The following ADGRD1 variants were observed in gnomAD, a reference collection of about 807,000 sequenced individuals.
ADGRD1 encodes the protein G-protein coupled receptor 133.
In ADGRD1, 77 loss-of-function variants were observed where a neutral mutation model predicts 113.4. The observed-to-expected ratio is 0.68, with a 90% CI of 0.57 to 0.82. ADGRD1 has a LOEUF of 0.82. ADGRD1 is among the 40% of genes least tolerant of loss of function. The probability of loss-of-function intolerance (pLI) is 0.00; values close to 1 mark genes in which losing one functional copy is unlikely to be tolerated. For synonymous variants in ADGRD1, 474 were observed against 475.0 expected, an observed-to-expected ratio of 1.00 and a Z score of 0.03; for missense variants, 1,036 against 1,139.1, an observed-to-expected ratio of 0.91 and a Z score of 1.30.
intron 7 of ADGRD1, 141 bp from the exon 8 acceptor site, chr12:130,992,095 TG>T: frequency 1.6e-6 from 1 of 630,850 alleles, no homozygotes; most frequent in Non-Finnish European, 2.7e-6. Context: ...CACTCCAGCC[TG>T]GGCAACAGAG....
Position 130,965,711 on chromosome 12 carries a change from AT to A in ADGRD1, c.104-751del, listed in dbSNP as rs1425170301. Among the ~76,000 whole-genome samples the A allele has an allele frequency of 2.6e-5, 4 of 152,258 alleles. No individual in the cohort carries two copies. Among genetic ancestry groups the A allele is most frequent in the African/African-American group, 9.6e-5 (4 of 41,468 alleles). On this transcript the variant is annotated intron_variant, in intron 2 of 24. Transcript: ENST00000261654. This position sits in a 1 kb window ranked among gnomAD's most constrained non-coding sequence, Gnocchi z 4.8. ...AGATAGAAACAAAGAAATAATTCAT[AT>A]AGCATTCAATGAGAAGAGCAGAATA...
chr12:130,973,220 C>G (rs1871901131), intron 4 of ADGRD1: 1 of 152,222 alleles, frequency 6.6e-6, no homozygotes, highest in African/African-American at 2.4e-5. Context: ...TCGAACAGAG[C>G]CTGTCCGCAG....
At chr12:131,066,181 T>C (rs1226265773) in intron 13 of ADGRD1, among the ~76,000 whole-genome samples, 1 of 152,166 alleles carries the variant, frequency 6.6e-6, no homozygotes, top group Admixed American at 6.5e-5. Flanking sequence ...GGAGCCACAA[T>C]AGGATTGTGA....
At chr12:130,955,370 C>A (rs1046503906) in intron 2 of ADGRD1, among the ~76,000 whole-genome samples, 14 of 151,986 alleles carry the variant, frequency 9.2e-5, no homozygotes. Context: ...CTGGAGCAGC[C>A]GATGAGTGGG....
chr12:131,003,536 T>C lies in ADGRD1; in HGVS notation c.1144+234T>C, dbSNP rs1453002723. Among the ~76,000 whole-genome samples the C allele has an allele frequency of 6.6e-6, 1 of 152,048 alleles. No homozygotes were observed. Among genetic ancestry groups the C allele is most frequent in the African/African-American group, 2.4e-5 (1 of 41,410 alleles). On this transcript the variant is annotated intron_variant, in intron 10 of 24. Coordinates refer to ENST00000261654, the MANE Select transcript of ADGRD1 (RefSeq NM_198827.5). This position sits in a 1 kb window ranked among gnomAD's most constrained non-coding sequence, Gnocchi z 4.8. ...TTTCCCAGTGACTTGGGAGCCAAGC[T>C]CCTGCCCTGGGATGATGGTCTCGGT...
In ADGRD1 at chr12:131,136,163, G is replaced by T; in HGVS notation, c.2394G>T (p.Gln798His). ...QYMFATLNSLQGLFIFLFHCL... is the reference protein window; with the variant it reads ...QYMFATLNSLHGLFIFLFHCL... ...TGTTTGCCACGCTCAACTCCCTGCA[G>T]GTGAGAGCCGCGGGGACTGGCGGGG... The change falls in exon 22 of 25, where the codon CAG becomes CAT. Residue 798 changes from glutamine (Q) to histidine (H), a missense_variant and splice_region_variant. Transcript: ENST00000261654. 4 of 1,614,028 alleles carry T rather than the reference G, an allele frequency of 2.5e-6. No homozygotes were observed. Among genetic ancestry groups the T allele is most frequent in the Non-Finnish European group, 3.4e-6 (4 of 1,179,982 alleles).
At position 131,027,169 on chromosome 12, in the gene ADGRD1, T is replaced by C. The variant is rs1164754664; in HGVS notation, c.1473+12829T>C. 1 of 152,170 alleles carries C rather than the reference T, an allele frequency of 6.6e-6. No homozygotes were observed. The highest frequency in any genetic ancestry group is 1.5e-5 in the Non-Finnish European group (1 of 68,030). 9.4% of individuals were successfully genotyped at this position (152,170 alleles called of 1,614,324 possible). ...CACTGTAGATCCAGGATATTCCTAC[T>C]CTGCAGGCTGTTTAAATAACACACA... On this transcript the variant is annotated intron_variant, in intron 13 of 24. Transcript: ENST00000261654. This position sits in a 1 kb window ranked among gnomAD's most constrained non-coding sequence, Gnocchi z 5.1.
At chr12:131,121,174 A>G (rs986484318) in intron 20 of ADGRD1, among the ~76,000 whole-genome samples, 1 of 152,192 alleles carries the variant, frequency 6.6e-6, no homozygotes, top group Admixed American at 6.5e-5. Flanking sequence ...GTGCAGGCAC[A>G]CAGCCCTGAG....
chr12:131,054,275 T>A (rs1279400187), intron 13 of ADGRD1, among the ~76,000 whole-genome samples: 1 of 152,172 alleles, frequency 6.6e-6, no homozygotes. Context: ...CCCTGTCCCC[T>A]CCCTGTTCCT....
chr12:131,135,929 G>A, intron 21 of ADGRD1, 108 bp from the exon 22 acceptor site: 1 of 1,220,156 alleles, frequency 8.2e-7, no homozygotes, highest in East Asian at 2.5e-5. Context: ...CTTGCTCCCG[G>A]CAGGGCGGTG....
rs1951211337 is a variant in ADGRD1, at chr12:131,140,192, C to T, written c.*929C>T. On this transcript the variant is annotated 3_prime_UTR_variant, in exon 25 of 25. Transcript: ENST00000261654. ...GGAAAGTGGAGGGCATTTTCCAGGG[C>T]ACTGCTTTCCCCAGAGGCTTCCTCA... The T allele has an allele frequency of 6.6e-6, 1 of 152,262 alleles. No homozygotes were observed. The highest frequency in any genetic ancestry group is 2.4e-5 in the African/African-American group (1 of 41,456). 9.4% of individuals were successfully genotyped at this position (152,262 alleles called of 1,614,324 possible). A position where few individuals can be genotyped will look rare whatever the true frequency, so the allele number is the denominator to read the frequency against.
chr12:131,062,032 GTTTTTTT>G (rs1235020343), intron 13 of ADGRD1, among the ~76,000 whole-genome samples: 31 of 152,154 alleles, frequency 2.0e-4, no homozygotes, highest in East Asian at 3.9e-4. Flanking sequence ...TTTGTTTTTT[GTTTTTTT>G]TTTTTGAGAT....
chr12:131,080,591 G>T (rs1361800627), intron 14 of ADGRD1, among the ~76,000 whole-genome samples: 1 of 152,004 alleles, frequency 6.6e-6, no homozygotes, highest in Non-Finnish European at 1.5e-5. Context: ...TTTAGTGGTG[G>T]ATTTACCTAT....
chr12:131,111,656 ATC>A (rs1384049448), intron 18 of ADGRD1, among the ~76,000 whole-genome samples: 3 of 149,710 alleles, frequency 2.0e-5, no homozygotes, highest in African/African-American at 7.4e-5. Flanking sequence ...ATCTTTCTTT[ATC>A]TCTCTTCAAG....
chr12:131,076,098 A>G (rs1885582368), intron 13 of ADGRD1, among the ~76,000 whole-genome samples: 1 of 152,176 alleles, frequency 6.6e-6, no homozygotes, highest in African/African-American at 2.4e-5. Context: ...CCAGGAGAGA[A>G]CGCCAGTCTC....
chr12:131,130,481 G>A (rs748370484), intron 20 of ADGRD1, among the ~76,000 whole-genome samples: 10 of 152,322 alleles, frequency 6.6e-5, no homozygotes, highest in Non-Finnish European at 1.2e-4. Context: ...TGAAGCCTCC[G>A]TGCAGACAGG....
At chr12:131,016,327 C>T (rs768640825) in intron 13 of ADGRD1, among the ~76,000 whole-genome samples, 3 of 152,242 alleles carry the variant, frequency 2.0e-5, no homozygotes, top group Non-Finnish European at 4.4e-5. Flanking sequence ...CTTGGCACTG[C>T]GTGGAGGCTC....
At chr12:131,081,142 A>C (rs928086944) in intron 14 of ADGRD1, among the ~76,000 whole-genome samples, 26 of 152,180 alleles carry the variant, frequency 1.7e-4, no homozygotes, top group Non-Finnish European at 3.5e-4. Context: ...TTTTCCCATA[A>C]TTTAACTTTT....
Position 131,050,604 on chromosome 12 carries a change from T to TGGG in ADGRD1, c.1474-26193_1474-26191dup, listed in dbSNP as rs1047616506. Among the ~76,000 whole-genome samples the TGGG allele has an allele frequency of 6.6e-6, 1 of 151,330 alleles. No individual in the cohort carries two copies. Among genetic ancestry groups the TGGG allele is most frequent in the East Asian group, 2.0e-4 (1 of 5,120 alleles). On this transcript the variant is annotated intron_variant, in intron 13 of 24. Coordinates refer to ENST00000261654, the MANE Select transcript of ADGRD1 (RefSeq NM_198827.5). The surrounding 1 kb of genome is among the most constrained non-coding windows in gnomAD (Gnocchi z 4.8). ...TCTTACATGGGCAGATCAAGAGAGG[T>TGGG]GGGGGGTGCCACACACTTTTAAGCG...
Sources: allele counts gnomAD v4.1 joint callset (sites outside exome capture counted in the v4.1 genomes callset), GRCh38; gene constraint gnomAD v4.1.1; non-coding constraint Gnocchi (gnomAD v3.1); transcripts MANE v1.5; gene names NCBI Gene and HGNC (gene_info 2026-07-23, HGNC 2026-07-21).